The following HS3ST6 variants were observed in gnomAD, a reference collection of about 807,000 sequenced individuals.
HS3ST6 encodes the protein heparan sulfate glucosamine 3-O-sulfotransferase 6.
Under a neutral mutation model 11.0 loss-of-function variants are expected in HS3ST6, and 13 were observed. That is an observed-to-expected ratio of 1.18 (90% CI 0.77 to 1.88). The LOEUF is 1.88. Among genes scored for constraint, HS3ST6 ranks in the 40% most tolerant of loss-of-function variants. The probability of loss-of-function intolerance (pLI) is 0.00; values close to 1 mark genes in which losing one functional copy is unlikely to be tolerated. For synonymous variants in HS3ST6, 232 were observed against 230.6 expected (o/e 1.01, Z -0.06); for missense variants, 541 against 494.4 (o/e 1.09, Z -0.89).
rs1043133138 is a variant in HS3ST6 at position 1,918,394 on chromosome 16, A to C, written c.-71T>G. The C allele has an allele frequency of 2.3e-5, 4 of 177,546 alleles. No homozygotes were observed. The highest frequency in any genetic ancestry group is 7.3e-5 in the African/African-American group (3 of 41,064). 11.0% of individuals were successfully genotyped at this position (177,546 alleles called of 1,614,324 possible). A position where few individuals can be genotyped will look rare whatever the true frequency, so the allele number is the denominator to read the frequency against. Reference sequence around the variant, plus strand: ...GCGCATCTCGGCCCGCGCGCCGCTCAGTCCGTGGGTGCCCGGCTTGTGCTC... The same window carrying C: ...GCGCATCTCGGCCCGCGCGCCGCTCCGTCCGTGGGTGCCCGGCTTGTGCTC... On this transcript the variant is annotated 5_prime_UTR_variant, in exon 1 of 2. Coordinates refer to ENST00000454677, the MANE Select transcript of HS3ST6 (RefSeq NM_001009606.4). The surrounding 1 kb of genome is among the most constrained non-coding windows in gnomAD (Gnocchi z 6.0).
rs2082901007 is a variant in HS3ST6, at chr16:1,912,945, C to T, written c.414-740G>A. 6.6e-6 allele frequency among the ~76,000 whole-genome samples: 1 copy of T among 152,114 alleles called. No individual in the cohort carries two copies. On this transcript the variant is annotated intron_variant, in intron 1 of 1. Transcript: ENST00000454677. The surrounding 1 kb of genome is among the most constrained non-coding windows in gnomAD (Gnocchi z 5.6). Reference sequence around the variant, plus strand: ...TAGCTGGGATTACAGGTGCCCGCCACCACACCCAGCTAATTTTTGTATTTT... The same window carrying T: ...TAGCTGGGATTACAGGTGCCCGCCATCACACCCAGCTAATTTTTGTATTTT...
Position 1,918,335 on chromosome 16 carries a change from G to A in HS3ST6, c.-12C>T, listed in dbSNP as rs1408668181. The A allele has an allele frequency of 3.3e-6, 1 of 301,584 alleles. No individual in the cohort carries two copies. 18.7% of individuals were successfully genotyped at this position (301,584 alleles called of 1,614,324 possible). On this transcript the variant is annotated 5_prime_UTR_variant, in exon 1 of 2. Coordinates refer to ENST00000454677, the MANE Select transcript of HS3ST6 (RefSeq NM_001009606.4). The surrounding 1 kb of genome is among the most constrained non-coding windows in gnomAD (Gnocchi z 6.0). Reference sequence around the variant, plus strand: ...CCGCTACCTGCCATGGGGTCGCGCCGCTCCAGGCCCGGGAGCGGGGGCAGC... The same window carrying A: ...CCGCTACCTGCCATGGGGTCGCGCCACTCCAGGCCCGGGAGCGGGGGCAGC...
intron 1 of HS3ST6, among the ~76,000 whole-genome samples, chr16:1,915,779 CT>C (rs2082921447): frequency 6.6e-6 from 1 of 152,220 alleles, no homozygotes; most frequent in Non-Finnish European, 1.5e-5. Flanking sequence ...TGGGAGGCCC[CT>C]CAAGAGCCTG....
At position 1,912,258 on chromosome 16, in the gene HS3ST6, G is replaced by GC; in HGVS notation, c.414-54dup. ...CCTGAGCCTCCCCAGCCCTAGACCG[G>GC]CCCCCAGGGGCCCGGGACCAAGGCC... On this transcript the variant is annotated intron_variant, in intron 1 of 1. Transcript: ENST00000454677. The surrounding 1 kb of genome is among the most constrained non-coding windows in gnomAD (Gnocchi z 5.6). 1 of 1,292,130 alleles carries GC rather than the reference G, an allele frequency of 7.7e-7. No individual in the cohort carries two copies. The highest frequency in any genetic ancestry group is 3.8e-5 in the Admixed American group (1 of 26,658). 80.0% of individuals were successfully genotyped at this position (1,292,130 alleles called of 1,614,324 possible).
In HS3ST6 at chr16:1,911,994, A is replaced by T; in HGVS notation, c.625T>A (p.Phe209Ile). ...PGLPSFRALA[F>I]RHGLGPVDTA... ...TCCACGGGGCCCAGGCCGTGGCGGA[A>T]GGCCAGGGCGCGGAAGCTGGGCAGG... Residue 209 changes from phenylalanine to isoleucine, a missense_variant, in exon 2 of 2, where the codon TTC becomes ATC. Coordinates refer to ENST00000454677, the MANE Select transcript of HS3ST6 (RefSeq NM_001009606.4). 1 of 1,536,374 alleles carries T rather than the reference A, an allele frequency of 6.5e-7. No individual in the cohort carries two copies. The highest frequency in any genetic ancestry group is 8.8e-7 in the Non-Finnish European group (1 of 1,142,166).
chr16:1,917,812 T>G lies in HS3ST6; in HGVS notation c.413+99A>C. 5.2e-6 allele frequency: 5 copies of G among 967,658 alleles called. 1 individual carries two copies. The South Asian group carries it at 1.2e-4, about 23-fold the overall frequency. The allele number at this position is 967,658 out of a possible 1,614,324, so 59.9% of individuals were successfully genotyped here. A position where few individuals can be genotyped will look rare whatever the true frequency, so the allele number is the denominator to read the frequency against. The stretch of plus-strand genomic sequence containing the variant: ...AACCCCACTGCCCGGAGCGCACCCC[T>G]GCTCCCTGGGAGGCAGGATATCGTG... On this transcript the variant is annotated intron_variant, in intron 1 of 1. Coordinates refer to ENST00000454677, the MANE Select transcript of HS3ST6 (RefSeq NM_001009606.4).
rs778490338 is a variant in HS3ST6 at position 1,911,642 on chromosome 16, GGCC to G, written c.974_976del (p.Arg325del). 6.2e-7 allele frequency: 1 copy of G among 1,609,594 alleles called. No individual in the cohort carries two copies. Among genetic ancestry groups the G allele is most frequent in the South Asian group, 1.1e-5 (1 of 90,652 alleles). On this transcript the variant is annotated inframe_deletion, in exon 2 of 2. Coordinates refer to ENST00000454677, the MANE Select transcript of HS3ST6 (RefSeq NM_001009606.4). ...CATCTGGTAGAACCTGCGGTTGAAGGGCCGGTAGAACTCCTGCAGGCGCCGGAC... is the reference window on the plus strand; with the variant it reads ...CATCTGGTAGAACCTGCGGTTGAAGGGGTAGAACTCCTGCAGGCGCCGGAC...
Position 1,912,239 on chromosome 16 carries a change from C to T in HS3ST6, c.414-34G>A. 3 of 1,356,386 alleles carry T rather than the reference C, an allele frequency of 2.2e-6. No individual in the cohort carries two copies. Among genetic ancestry groups the T allele is most frequent in the Non-Finnish European group, 2.8e-6 (3 of 1,053,516 alleles). 84.0% of individuals were successfully genotyped at this position (1,356,386 alleles called of 1,614,324 possible). A position where few individuals can be genotyped will look rare whatever the true frequency, so the allele number is the denominator to read the frequency against. ...CGGGTGCAAGGAGAGGGGGCCTGAG[C>T]CTCCCCAGCCCTAGACCGGCCCCCA... On this transcript the variant is annotated intron_variant, in intron 1 of 1. Transcript: ENST00000454677. This position sits in a 1 kb window ranked among gnomAD's most constrained non-coding sequence, Gnocchi z 5.6.
At position 1,912,347 on chromosome 16, in the gene HS3ST6, C is replaced by G. The variant is rs1032723636; in HGVS notation, c.414-142G>C. On this transcript the variant is annotated intron_variant, in intron 1 of 1. Coordinates refer to ENST00000454677, the MANE Select transcript of HS3ST6 (RefSeq NM_001009606.4). This position sits in a 1 kb window ranked among gnomAD's most constrained non-coding sequence, Gnocchi z 5.6. ...AGTCTTCCTCCCTGCTCGGGCCCACCCCTGCTAGCGTGCGCGGCTGGGCAG... is the reference window on the plus strand; with the variant it reads ...AGTCTTCCTCCCTGCTCGGGCCCACGCCTGCTAGCGTGCGCGGCTGGGCAG... 2.6e-6 allele frequency: 2 copies of G among 754,938 alleles called. No individual in the cohort carries two copies. The highest frequency in any genetic ancestry group is 3.4e-5 in the East Asian group (1 of 29,580). The allele number at this position is 754,938 out of a possible 1,614,324, so 46.8% of individuals were successfully genotyped here.
chr16:1,915,120 G>T (rs2082917505), intron 1 of HS3ST6, among the ~76,000 whole-genome samples: 1 of 152,162 alleles, frequency 6.6e-6, no homozygotes, highest in Non-Finnish European at 1.5e-5. Context: ...AAGCCAGAAA[G>T]TGCAGGGGGA....
chr16:1,912,044 G>C lies in HS3ST6; in HGVS notation c.575C>G (p.Ala192Gly). 2 of 1,520,600 alleles carry C rather than the reference G, an allele frequency of 1.3e-6. No homozygotes were observed. Among genetic ancestry groups the C allele is most frequent in the African/African-American group, 1.4e-5 (1 of 71,708 alleles). 94.2% of individuals were successfully genotyped at this position (1,520,600 alleles called of 1,614,324 possible). ...GCCCGGGGTCTTGGAGAGCGTCTGGGCGTAGTCGGAGATGGCCCGGGTCAC... is the reference window on the plus strand; with the variant it reads ...GCCCGGGGTCTTGGAGAGCGTCTGGCCGTAGTCGGAGATGGCCCGGGTCAC... ...NPVTRAISDY[A>G]QTLSKTPGLP... The change falls in exon 2 of 2, where the codon GCC becomes GGC. Residue 192 changes from alanine (A) to glycine (G), a missense_variant. Transcript: ENST00000454677. The surrounding 1 kb of genome is among the most constrained non-coding windows in gnomAD (Gnocchi z 5.6).
In HS3ST6 at chr16:1,912,267, G is replaced by C. The variant is rs888287607; in HGVS notation, c.414-62C>G. The C allele has an allele frequency of 5.5e-6, 7 of 1,279,260 alleles. No individual in the cohort carries two copies. Among genetic ancestry groups the C allele is most frequent in the Non-Finnish European group, 6.9e-6 (7 of 1,008,454 alleles). 79.2% of individuals were successfully genotyped at this position (1,279,260 alleles called of 1,614,324 possible). On this transcript the variant is annotated intron_variant, in intron 1 of 1. Coordinates refer to ENST00000454677, the MANE Select transcript of HS3ST6 (RefSeq NM_001009606.4). This position sits in a 1 kb window ranked among gnomAD's most constrained non-coding sequence, Gnocchi z 5.6. Reference sequence around the variant, plus strand: ...CCCCAGCCCTAGACCGGCCCCCAGGGGCCCGGGACCAAGGCCCCCTTATGC... The same window carrying C: ...CCCCAGCCCTAGACCGGCCCCCAGGCGCCCGGGACCAAGGCCCCCTTATGC...
intron 1 of HS3ST6, among the ~76,000 whole-genome samples, chr16:1,913,427 A>G (rs977309497): frequency 3.9e-4 from 59 of 152,288 alleles, no homozygotes; most frequent in African/African-American, 1.3e-3. Flanking sequence ...CTGGGTGCCC[A>G]GCCCGGGCAG....
chr16:1,917,822 G>A, intron 1 of HS3ST6, 89 bp downstream of exon 1: 1 of 1,078,544 alleles, frequency 9.3e-7, no homozygotes, highest in Non-Finnish European at 1.2e-6. Context: ...TGCTCCCTGG[G>A]AGGCAGGATA....
chr16:1,917,053 C>T lies in HS3ST6; in HGVS notation c.413+858G>A, dbSNP rs189224029. Among the ~76,000 whole-genome samples, 436 of 152,216 alleles carry T rather than the reference C, an allele frequency of 2.9e-3. 2 individuals are homozygous for T. The highest frequency in any genetic ancestry group is 5.2e-3 in the Non-Finnish European group (352 of 68,008). On this transcript the variant is annotated intron_variant, in intron 1 of 1. Coordinates refer to ENST00000454677, the MANE Select transcript of HS3ST6 (RefSeq NM_001009606.4). ...AGCCCCTTCCTGCCTGCCCTCCAAA[C>T]CCAAGAGTAGTTTTAGTACAAAAGG...
chr16:1,914,521 G>A (rs1040036246), intron 1 of HS3ST6, among the ~76,000 whole-genome samples: 1 of 152,136 alleles, frequency 6.6e-6, no homozygotes, highest in Admixed American at 6.5e-5. Context: ...TCCCGTCTCG[G>A]GCATACTGAC....
At chr16:1,913,537 A>G (rs1328810780) in intron 1 of HS3ST6, among the ~76,000 whole-genome samples, 3 of 152,194 alleles carry the variant, frequency 2.0e-5, no homozygotes, top group Non-Finnish European at 4.4e-5. Flanking sequence ...CTGAGCAAAC[A>G]GCTCGGAGGG....
At chr16:1,919,383 A>G (rs1187540196), upstream of HS3ST6, among the ~76,000 whole-genome samples, 1 of 152,216 alleles carries the variant, frequency 6.6e-6, no homozygotes, top group Non-Finnish European at 1.5e-5. Flanking sequence ...CACATCCCCA[A>G]CGCCCAGCAG....
chr16:1,918,714 G>T (rs1416129331), upstream of HS3ST6, among the ~76,000 whole-genome samples: 1 of 152,128 alleles, frequency 6.6e-6, no homozygotes, highest in Non-Finnish European at 1.5e-5. This position sits in a 1 kb window ranked among gnomAD's most constrained non-coding sequence, Gnocchi z 6.0. Flanking sequence ...AGGGCGGCGC[G>T]CGGGCCTCGG....
Sources: allele counts gnomAD v4.1 joint callset (sites outside exome capture counted in the v4.1 genomes callset), GRCh38; gene constraint gnomAD v4.1.1; non-coding constraint Gnocchi (gnomAD v3.1); transcripts MANE v1.5; gene names NCBI Gene and HGNC (gene_info 2026-07-23, HGNC 2026-07-21).